PGM5: variants seen among roughly 807,000 people sequenced by gnomAD.
PGM5 encodes the protein phosphoglucomutase 5.
In PGM5, 23 loss-of-function variants were observed where a neutral mutation model predicts 59.2. The ratio of observed to expected loss-of-function variants is 0.39; its 90% confidence interval spans 0.28 to 0.55. The LOEUF (loss-of-function observed/expected upper bound fraction) is 0.55. Ranked by LOEUF, PGM5 falls within the 20% of genes least tolerant of loss-of-function variation. The pLI is 0.66. For synonymous variants in PGM5, 214 were observed against 286.0 expected (o/e 0.75, Z 2.54); for missense variants, 574 against 748.3 (o/e 0.77, Z 2.72).
chr9:68,372,131 C>T (rs1229502182), intron 1 of PGM5, among the ~76,000 whole-genome samples: 2 of 152,004 alleles, frequency 1.3e-5, no homozygotes, highest in Admixed American at 6.6e-5. Flanking sequence ...ACTTTGTATT[C>T]ATTTCCTAGG....
At chr9:68,433,059 T>G (rs1014789584) in intron 6 of PGM5, among the ~76,000 whole-genome samples, 1 of 152,214 alleles carries the variant, frequency 6.6e-6, no homozygotes, top group African/African-American at 2.4e-5. Flanking sequence ...CTATGTATAT[T>G]TTTGACACAC....
intron 9 of PGM5, among the ~76,000 whole-genome samples, chr9:68,487,894 C>T (rs1028548121): frequency 1.3e-5 from 2 of 152,108 alleles, no homozygotes; most frequent in Non-Finnish European, 2.9e-5. Context: ...CTGCCACCTC[C>T]TTGCTGGGTT....
chr9:68,527,675 C>T (rs1005885685), intron 10 of PGM5, among the ~76,000 whole-genome samples: 6 of 145,660 alleles, frequency 4.1e-5, no homozygotes, highest in East Asian at 1.9e-4. Context: ...AACACGGAAC[C>T]GGAGGAAAGT....
chr9:68,498,568 A>G (rs1964621), intron 9 of PGM5: 39,861 of 152,118 alleles, frequency 0.26, 5,558 homozygotes, highest in East Asian at 0.56. Flanking sequence ...TCATCTTTGG[A>G]GAAAGGCATA....
rs150767187 is a variant in PGM5, at chr9:68,483,441, G to A, written c.1296-424G>A. On this transcript the variant is annotated intron_variant, in intron 8 of 10. Transcript: ENST00000396396. ...AAGGTAGAGGGAACACACAGCTAGC[G>A]CAAGGGCCCAGAGGCAGGAAAGGGT... Among the ~76,000 whole-genome samples the A allele has an allele frequency of 8.5e-5, 13 of 152,284 alleles. No homozygotes were observed. The East Asian group carries it at 1.9e-3, about 23-fold the overall frequency.
chr9:68,427,526 G>A (rs549076412), intron 6 of PGM5, among the ~76,000 whole-genome samples: 7 of 152,252 alleles, frequency 4.6e-5, no homozygotes, highest in Admixed American at 3.3e-4. Context: ...ACCTGCTGTG[G>A]GCATGAATGC....
chr9:68,482,837 A>C (rs1824219854), intron 8 of PGM5, among the ~76,000 whole-genome samples: 1 of 152,278 alleles, frequency 6.6e-6, no homozygotes. Context: ...GCACTGTGCC[A>C]ACTCTTGGTA....
intron 1 of PGM5, among the ~76,000 whole-genome samples, chr9:68,373,131 T>C (rs868954228): frequency 4.2e-4 from 60 of 141,866 alleles, no homozygotes; most frequent in African/African-American, 1.4e-3. Flanking sequence ...CATCCTATTA[T>C]TAAAATCCTC....
At chr9:68,459,718 T>C (rs1456795557) in intron 6 of PGM5, among the ~76,000 whole-genome samples, 1 of 152,232 alleles carries the variant, frequency 6.6e-6, no homozygotes, top group Non-Finnish European at 1.5e-5. Flanking sequence ...TATTTCACTG[T>C]GGTTTTAATT....
At chr9:68,370,741 C>T (rs1554677095) in intron 1 of PGM5, among the ~76,000 whole-genome samples, 1 of 152,134 alleles carries the variant, frequency 6.6e-6, no homozygotes, top group Non-Finnish European at 1.5e-5. Flanking sequence ...ATGAAAAAGC[C>T]CAATGACATA....
intron 1 of PGM5, among the ~76,000 whole-genome samples, chr9:68,376,475 C>CTGTGTATGTGTGTG (rs1215951897): frequency 7.7e-6 from 1 of 129,570 alleles, no homozygotes; most frequent in African/African-American, 2.9e-5. Flanking sequence ...TGCTTTTGAG[C>CTGTGTATGTGTGTG]TGTGTGTGTG....
chr9:68,373,565 G>A (rs1464598563), intron 1 of PGM5, among the ~76,000 whole-genome samples: 2 of 151,926 alleles, frequency 1.3e-5, no homozygotes, highest in Non-Finnish European at 2.9e-5. Context: ...CTAAGTCCTT[G>A]CCCCAAAGTG....
rs558145080 is a variant in PGM5 at position 68,499,633 on chromosome 9, T to C, written c.1614+272T>C. Among the ~76,000 whole-genome samples, 7 of 152,306 alleles carry C rather than the reference T, an allele frequency of 4.6e-5. No homozygotes were observed. In the South Asian group the frequency reaches 1.5e-3, roughly 32 times the overall value. The stretch of plus-strand genomic sequence containing the variant: ...TCTTGACTGTTGAGTGGTTTGTTAA[T>C]TGGGGTAAAGAAAAAGCACCTTTTA... On this transcript the variant is annotated intron_variant, in intron 10 of 10. Transcript: ENST00000396396.
At chr9:68,471,970 C>CAA (rs35694675) in intron 7 of PGM5, among the ~76,000 whole-genome samples, 1,312 of 128,416 alleles carry the variant, frequency 0.01, 15 homozygotes, top group African/African-American at 0.034. Flanking sequence ...GCCTTGGTGA[C>CAA]AAAAAAAAAA....
chr9:68,515,535 C>T (rs950845297), intron 10 of PGM5, among the ~76,000 whole-genome samples: 1 of 152,222 alleles, frequency 6.6e-6, no homozygotes, highest in Non-Finnish European at 1.5e-5. Flanking sequence ...CTGTTGTCAA[C>T]ATCACCTTAC....
In PGM5 at chr9:68,406,660, GTATATATATATATATATGTA is replaced by G. The variant is rs1450718153; in HGVS notation, c.1043+14205_1043+14224del. Among the ~76,000 whole-genome samples the G allele has an allele frequency of 8.1e-3, 469 of 57,584 alleles. 24 individuals carry two copies. Among genetic ancestry groups the G allele is most frequent in the African/African-American group, 0.017 (260 of 14,998 alleles). 37.8% of individuals were successfully genotyped at this position (57,584 alleles called of 152,430 possible). On this transcript the variant is annotated intron_variant, in intron 6 of 10. Transcript: ENST00000396396. ...GGTCTTGTACTGAGGATTAAATTAGGTATATATATATATATATGTATATATATATATATATATATATATAT... is the reference window on the plus strand; with the variant it reads ...GGTCTTGTACTGAGGATTAAATTAGGTATATATATATATATATATATATAT...
chr9:68,393,189 T>TG (rs1299055029), intron 6 of PGM5, among the ~76,000 whole-genome samples: 1 of 152,068 alleles, frequency 6.6e-6, no homozygotes, highest in Non-Finnish European at 1.5e-5. Context: ...ATGTGCCTGG[T>TG]GGAAAGTTAG....
intron 4 of PGM5, 84 bp downstream of exon 4, chr9:68,387,672 G>T (rs1411398511): frequency 3.3e-5 from 45 of 1,355,988 alleles, no homozygotes; most frequent in Non-Finnish European, 4.6e-5. Context: ...TAAGAGGAAA[G>T]TTGGATTCAT....
chr9:68,522,552 T>C (rs1007840691), intron 10 of PGM5, among the ~76,000 whole-genome samples: 3 of 152,232 alleles, frequency 2.0e-5, no homozygotes, highest in African/African-American at 4.8e-5. Flanking sequence ...TTACATTTCA[T>C]ATTTTGGGTT....
Sources: allele counts gnomAD v4.1 joint callset (sites outside exome capture counted in the v4.1 genomes callset), GRCh38; gene constraint gnomAD v4.1.1; transcripts MANE v1.5; gene names NCBI Gene and HGNC (gene_info 2026-07-23, HGNC 2026-07-21).